TAF3: variants seen among roughly 807,000 people sequenced by gnomAD.
TAF3 encodes the protein TATA-box binding protein associated factor 3.
In TAF3, 7 loss-of-function variants were observed where a neutral mutation model predicts 80.6. The ratio of observed to expected loss-of-function variants is 0.09; its 90% CI spans 0.05 to 0.16. The LOEUF (loss-of-function observed/expected upper bound fraction) is 0.16, where lower values mean the gene tolerates loss of function less well. Among genes scored for constraint, TAF3 ranks in the 10% least tolerant of loss-of-function variants. The pLI is 1.00. For synonymous variants in TAF3, 444 were observed against 446.1 expected (o/e 1.00, Z 0.06); for missense variants, 921 against 1,140.2 (o/e 0.81, Z 2.77).
intron 2 of TAF3, among the ~76,000 whole-genome samples, chr10:7,903,991 G>C (rs928723751): frequency 2.0e-5 from 3 of 152,108 alleles, no homozygotes; most frequent in Non-Finnish European, 4.4e-5. Flanking sequence ...TCTGGGTCAG[G>C]GTGTCTGAGA....
chr10:7,936,945 G>GCCTTCTCAGTTTGACTTCTTTCACTTA (rs1837927063), intron 2 of TAF3, among the ~76,000 whole-genome samples: 2 of 151,958 alleles, frequency 1.3e-5, no homozygotes, highest in Non-Finnish European at 2.9e-5. Flanking sequence ...ACAGTATGTG[G>GCCTTCTCAGTTTGACTTCTTTCACTTA]CCTTCTCAGT....
chr10:8,001,151 T>C (rs1033825273), intron 4 of TAF3, among the ~76,000 whole-genome samples: 1 of 152,218 alleles, frequency 6.6e-6, no homozygotes, highest in Non-Finnish European at 1.5e-5. Context: ...TTTACACAGC[T>C]GTCTAATGTT....
chr10:7,966,326 T>C (rs1831571167), intron 3 of TAF3, among the ~76,000 whole-genome samples: 1 of 152,236 alleles, frequency 6.6e-6, no homozygotes, highest in Non-Finnish European at 1.5e-5. Context: ...TCTGAGTATC[T>C]AGGCTGATCT....
chr10:7,954,962 C>T (rs866654638), intron 2 of TAF3, among the ~76,000 whole-genome samples: 4 of 130,730 alleles, frequency 3.1e-5, no homozygotes, highest in South Asian at 2.7e-4. Flanking sequence ...CTAGTTAACA[C>T]GAGCTCTCCA....
At chr10:7,997,706 C>T (rs188679420) in intron 4 of TAF3, among the ~76,000 whole-genome samples, 5 of 152,204 alleles carry the variant, frequency 3.3e-5, no homozygotes, top group Admixed American at 3.3e-4. Context: ...CAGCTGTGGG[C>T]GGTATTGGTT....
At chr10:8,004,244 T>G (rs1300147746) in intron 4 of TAF3, among the ~76,000 whole-genome samples, 1 of 151,934 alleles carries the variant, frequency 6.6e-6, no homozygotes, top group Non-Finnish European at 1.5e-5. Context: ...AGAAATGGGG[T>G]TTCACCATGT....
At chr10:7,855,316 A>G (rs559550583) in intron 2 of TAF3, among the ~76,000 whole-genome samples, 2 of 152,286 alleles carry the variant, frequency 1.3e-5, no homozygotes, top group South Asian at 4.1e-4. Flanking sequence ...TCTACAAAAG[A>G]CTGACTTCAA....
At chr10:7,825,595 C>G (rs1358027519) in intron 2 of TAF3, among the ~76,000 whole-genome samples, 1 of 105,626 alleles carries the variant, frequency 9.5e-6, no homozygotes. Context: ...CATTATTTGT[C>G]TTTTTATGAC....
chr10:7,841,815 G>GGAGT (rs1204226164), intron 2 of TAF3, among the ~76,000 whole-genome samples: 1 of 152,162 alleles, frequency 6.6e-6, no homozygotes, highest in African/African-American at 2.4e-5. Flanking sequence ...GGCCAGATCT[G>GGAGT]GAGTGAGAAT....
chr10:7,951,297 T>G (rs1359730762), intron 2 of TAF3, among the ~76,000 whole-genome samples: 1 of 152,344 alleles, frequency 6.6e-6, no homozygotes, highest in African/African-American at 2.4e-5. Context: ...TACAATTCCA[T>G]GAGTTTGCAT....
At chr10:7,911,907 G>A (rs1456294859) in intron 2 of TAF3, among the ~76,000 whole-genome samples, 2 of 151,820 alleles carry the variant, frequency 1.3e-5, no homozygotes, top group African/African-American at 2.4e-5. Flanking sequence ...TTACTCGTTC[G>A]CTTCATTTTT....
intron 4 of TAF3, among the ~76,000 whole-genome samples, chr10:8,007,579 T>C (rs1440483991): frequency 9.8e-6 from 1 of 102,014 alleles, no homozygotes; most frequent in Non-Finnish European, 2.0e-5. Flanking sequence ...TATATATATA[T>C]ATATATATAT....
Position 7,964,318 on chromosome 10 carries a change from C to T in TAF3, c.808C>T (p.Pro270Ser), listed in dbSNP as rs749313219. Residue 270 changes from proline (P) to serine (S), a missense_variant, in exon 3 of 7, where the codon CCT becomes TCT. Transcript: ENST00000344293. This position sits in a 1 kb window ranked among gnomAD's most constrained non-coding sequence, Gnocchi z 4.1. ...ACCATTAGAAACAAAGTCATTTACA[C>T]CTAAAACAAAGACTAAAACTAGCTC... ...AKPLETKSFT[P>S]KTKTKTSSPG... 7.4e-6 allele frequency: 12 copies of T among 1,614,042 alleles called. No individual in the cohort carries two copies. In the African/African-American group the frequency reaches 1.2e-4, roughly 16 times the overall value.
intron 2 of TAF3, among the ~76,000 whole-genome samples, chr10:7,935,248 G>T (rs958804690): frequency 6.6e-6 from 1 of 151,870 alleles, no homozygotes; most frequent in African/African-American, 2.4e-5. Context: ...CTGCACTCCA[G>T]CCTGGGCAAC....
intron 2 of TAF3, among the ~76,000 whole-genome samples, chr10:7,861,832 T>A (rs1447653421): frequency 6.6e-6 from 1 of 152,158 alleles, no homozygotes; most frequent in Non-Finnish European, 1.5e-5. Context: ...TTCTTTAATG[T>A]GTATTTATGT....
At position 7,877,772 on chromosome 10, in the gene TAF3, C is replaced by T. The variant is rs1479152569; in HGVS notation, c.409+53212C>T. Among the ~76,000 whole-genome samples the T allele has an allele frequency of 2.6e-5, 4 of 152,298 alleles. No homozygotes were observed. The East Asian group carries it at 7.7e-4, about 29-fold the overall frequency. ...ATCTTAAAAGCTCATTAGTGACAGA[C>T]ATATAGAGTGAGGTTTCTTGGTTCT... On this transcript the variant is annotated intron_variant, in intron 2 of 6. Transcript: ENST00000344293.
intron 4 of TAF3, 148 bp downstream of exon 4, chr10:7,977,471 T>G: frequency 1.6e-6 from 1 of 643,370 alleles, no homozygotes; most frequent in East Asian, 2.8e-5. Flanking sequence ...TTTTCAAGTT[T>G]TTATTGGTTT....
chr10:7,867,921 G>A (rs139770510), intron 2 of TAF3, among the ~76,000 whole-genome samples: 154 of 152,236 alleles, frequency 1.0e-3, no homozygotes, highest in South Asian at 3.1e-3. Context: ...TATGTACTAT[G>A]TACTGTATTC....
chr10:7,914,017 T>A (rs981273446), intron 2 of TAF3, among the ~76,000 whole-genome samples: 1 of 152,168 alleles, frequency 6.6e-6, no homozygotes, highest in East Asian at 1.9e-4. Context: ...AAATGACTTA[T>A]GTGACATCAA....
Sources: gnomAD v4.1 joint callset for allele counts (sites outside exome capture counted in the v4.1 genomes callset) on GRCh38, gnomAD v4.1.1 for gene constraint, Gnocchi (gnomAD v3.1) non-coding constraint, MANE v1.5 for transcripts, NCBI Gene and HGNC (gene_info 2026-07-23, HGNC 2026-07-21) for gene names.